Variants in KCTD5 observed in about 807,000 individuals in gnomAD.
The protein encoded by KCTD5 is potassium channel tetramerization domain containing 5.
KCTD5 carries 12 observed loss-of-function variants against 27.9 expected under a neutral mutation model. The observed-to-expected ratio is 0.43, with a 90% CI of 0.28 to 0.70. The LOEUF (loss-of-function observed/expected upper bound fraction) is 0.70. Ranked by LOEUF, KCTD5 falls within the 30% of genes least tolerant of loss-of-function variation. The pLI, the probability that KCTD5 is intolerant of heterozygous loss-of-function variation, is 0.19. For missense variants in KCTD5, 226 were observed against 274.8 expected (o/e 0.82, Z 1.26); for synonymous variants, 147 against 121.4 (o/e 1.21, Z -1.39).
chr16:2,706,471 G>A (rs1184535134), intron 5 of KCTD5, among the ~76,000 whole-genome samples: 1 of 152,200 alleles, frequency 6.6e-6, no homozygotes, highest in Non-Finnish European at 1.5e-5. Flanking sequence ...GGAGCGTGGG[G>A]TGATTTCCCC....
chr16:2,706,126 G>A (rs985014158), intron 5 of KCTD5, among the ~76,000 whole-genome samples: 1 of 152,222 alleles, frequency 6.6e-6, no homozygotes, highest in African/African-American at 2.4e-5. Context: ...GTGAGTGGGA[G>A]CCTCGAGCTA....
intron 3 of KCTD5, among the ~76,000 whole-genome samples, chr16:2,698,376 G>A (rs375266589): frequency 3.3e-5 from 5 of 152,246 alleles, no homozygotes; most frequent in Non-Finnish European, 5.9e-5. Context: ...TGGCTGGAGG[G>A]AGACAGCAGA....
At chr16:2,700,953 G>C (rs764992452) in intron 4 of KCTD5, among the ~76,000 whole-genome samples, 2 of 152,050 alleles carry the variant, frequency 1.3e-5, no homozygotes, top group Non-Finnish European at 2.9e-5. Context: ...CATCAGAATC[G>C]TGCCAGAGCC....
At chr16:2,682,865 C>T in intron 1 of KCTD5, 65 bp downstream of exon 1, 1 of 1,500,914 alleles carries the variant, frequency 6.7e-7, no homozygotes, top group East Asian at 2.7e-5. Context: ...CTGCACACGC[C>T]CTGCTTCGTG....
intron 5 of KCTD5, among the ~76,000 whole-genome samples, chr16:2,705,473 A>G (rs952497808): frequency 3.9e-5 from 6 of 152,112 alleles, no homozygotes; most frequent in African/African-American, 1.2e-4. Context: ...GGGGCTGGGC[A>G]GGGAGTGCCA....
chr16:2,702,804 GCT>G (rs916496105), intron 5 of KCTD5, among the ~76,000 whole-genome samples: 4 of 152,216 alleles, frequency 2.6e-5, no homozygotes, highest in Non-Finnish European at 4.4e-5. Flanking sequence ...CCCAGCCTCT[GCT>G]GTGTGAGTGA....
At chr16:2,694,291 AAGCC>A (rs1373722507) in intron 1 of KCTD5, among the ~76,000 whole-genome samples, 1 of 145,136 alleles carries the variant, frequency 6.9e-6, no homozygotes, top group African/African-American at 2.5e-5. Flanking sequence ...AGGCAGGGCC[AAGCC>A]CAGGAGGCAG....
Position 2,701,415 on chromosome 16 carries a change from G to A in KCTD5, c.550-938G>A, listed in dbSNP as rs115519072. Among the ~76,000 whole-genome samples the A allele has an allele frequency of 3.9e-3, 596 of 152,314 alleles. 1 individual carries two copies. Among genetic ancestry groups the A allele is most frequent in the African/African-American group, 0.014 (570 of 41,570 alleles). Reference sequence around the variant, plus strand: ...ACCCAGGGTCCCCAGTGGTCAGCAGGGGATTGCAAGCAGGGCTTGGAAGTG... The same window carrying A: ...ACCCAGGGTCCCCAGTGGTCAGCAGAGGATTGCAAGCAGGGCTTGGAAGTG... On this transcript the variant is annotated intron_variant, in intron 4 of 5. Coordinates refer to ENST00000301738, the MANE Select transcript of KCTD5 (RefSeq NM_018992.4).
At position 2,707,617 on chromosome 16, in the gene KCTD5, C is replaced by G; in HGVS notation, c.*290C>G. The G allele has an allele frequency of 3.3e-6, 2 of 603,694 alleles. No homozygotes were observed. Among genetic ancestry groups the G allele is most frequent in the Admixed American group, 2.9e-5 (1 of 34,330 alleles). 37.4% of individuals were successfully genotyped at this position (603,694 alleles called of 1,614,324 possible). A position where few individuals can be genotyped will look rare whatever the true frequency, so the allele number is the denominator to read the frequency against. ...CACGTGGGACTGAGGCAGACACTCC[C>G]AGTCAGCCCGCTCGATCCTGAAGAT... On this transcript the variant is annotated 3_prime_UTR_variant, in exon 6 of 6. Coordinates refer to ENST00000301738, the MANE Select transcript of KCTD5 (RefSeq NM_018992.4).
At chr16:2,707,162 C>T (rs1371578369) in intron 5 of KCTD5, 136 bp from the exon 6 acceptor site, 1 of 723,784 alleles carries the variant, frequency 1.4e-6, no homozygotes, top group Non-Finnish European at 2.3e-6. Flanking sequence ...TCCCCAAGAC[C>T]CTGGCCAGTG....
At chr16:2,697,615 A>G (rs3094476) in intron 2 of KCTD5, among the ~76,000 whole-genome samples, 63,904 of 152,124 alleles carry the variant, frequency 0.42, 14,441 homozygotes, top group Middle Eastern at 0.54. Flanking sequence ...GCGGCTCCAT[A>G]CCTGGCGGGT....
chr16:2,691,621 T>G (rs183080260), intron 1 of KCTD5, among the ~76,000 whole-genome samples: 2 of 152,274 alleles, frequency 1.3e-5, no homozygotes, highest in Non-Finnish European at 2.9e-5. Flanking sequence ...AGGAGTGTAC[T>G]GTGGCGGGGG....
At chr16:2,700,870 G>A (rs732058) in intron 4 of KCTD5, among the ~76,000 whole-genome samples, 43,412 of 150,972 alleles carry the variant, frequency 0.29, 6,750 homozygotes, top group Non-Finnish European at 0.33. Context: ...CCCCTAGGCC[G>A]GGGGCCGGGG....
intron 4 of KCTD5, 73 bp downstream of exon 4, chr16:2,699,989 G>C: frequency 1.4e-6 from 2 of 1,387,574 alleles, no homozygotes; most frequent in South Asian, 1.2e-5. Context: ...TCAGGGCTCA[G>C]TGCTCCTGGA....
At chr16:2,698,629 A>G (rs1406553161) in intron 3 of KCTD5, among the ~76,000 whole-genome samples, 1 of 138,642 alleles carries the variant, frequency 7.2e-6, no homozygotes, top group African/African-American at 2.6e-5. Flanking sequence ...TTGAGAAGGC[A>G]CCAGGAGTGG....
intron 4 of KCTD5, among the ~76,000 whole-genome samples, chr16:2,700,212 A>T (rs2067605049): frequency 6.6e-6 from 1 of 152,034 alleles, no homozygotes; most frequent in Non-Finnish European, 1.5e-5. Context: ...TGTGTGAGGG[A>T]GGGGACTGGC....
At position 2,708,103 on chromosome 16, in the gene KCTD5, G is replaced by GC. The variant is rs1567197515; in HGVS notation, c.*780dup. On this transcript the variant is annotated 3_prime_UTR_variant, in exon 6 of 6. Transcript: ENST00000301738. ...TAGCGCGAGGTAGCAGTGTCGCCTC[G>GC]CCCCTCCCACTGCGGGCTCACGGGG... The GC allele has an allele frequency of 2.6e-5, 4 of 152,796 alleles. No individual in the cohort carries two copies. In the East Asian group the frequency reaches 7.7e-4, roughly 29 times the overall value. 9.5% of individuals were successfully genotyped at this position (152,796 alleles called of 1,614,324 possible).
intron 5 of KCTD5, among the ~76,000 whole-genome samples, chr16:2,706,675 C>T (rs2067637705): frequency 6.6e-6 from 1 of 150,462 alleles, no homozygotes; most frequent in African/African-American, 2.5e-5. Flanking sequence ...GTGGGGAGGG[C>T]AGGGGGCCGA....
At position 2,708,193 on chromosome 16, in the gene KCTD5, G is replaced by A. The variant is rs2067646099; in HGVS notation, c.*866G>A. 6.5e-6 allele frequency: 1 copy of A among 152,702 alleles called. No individual in the cohort carries two copies. The highest frequency in any genetic ancestry group is 2.4e-5 in the African/African-American group (1 of 41,464). The allele number at this position is 152,702 out of a possible 1,614,324, so 9.5% of individuals were successfully genotyped here. A position where few individuals can be genotyped will look rare whatever the true frequency, so the allele number is the denominator to read the frequency against. The stretch of plus-strand genomic sequence containing the variant: ...GGTTGGGCTGGAGGCCTGTCCACTG[G>A]CTTCTGGAGCTGAAGGTCTGCGTCA... On this transcript the variant is annotated 3_prime_UTR_variant, in exon 6 of 6. Coordinates refer to ENST00000301738, the MANE Select transcript of KCTD5 (RefSeq NM_018992.4).
Sources: allele counts gnomAD v4.1 joint callset (sites outside exome capture counted in the v4.1 genomes callset), GRCh38; gene constraint gnomAD v4.1.1; transcripts MANE v1.5; gene names NCBI Gene and HGNC (gene_info 2026-07-23, HGNC 2026-07-21).